PAFAH1B1: variants seen among roughly 807,000 people sequenced by gnomAD.
PAFAH1B1 encodes the protein platelet-activating factor acetylhydrolase IB subunit beta.
A neutral mutation model predicts 57.5 loss-of-function variants in PAFAH1B1; 2 were observed. That is an observed-to-expected ratio of 0.03 (90% confidence interval 0.01 to 0.11). The LOEUF (loss-of-function observed/expected upper bound fraction) is 0.11, where lower values mean the gene tolerates loss of function less well. PAFAH1B1 is among the 10% of genes least tolerant of loss of function. PAFAH1B1 has a pLI of 1.00. For synonymous variants in PAFAH1B1, 152 were observed against 169.6 expected (o/e 0.90, Z 0.81); for missense variants, 257 against 512.0 (o/e 0.50, Z 4.81).
intron 1 of PAFAH1B1, among the ~76,000 whole-genome samples, chr17:2,629,157 C>G (rs977207127): frequency 6.6e-6 from 1 of 151,860 alleles, no homozygotes; most frequent in Non-Finnish European, 1.5e-5. Context: ...TGGTTTGTTC[C>G]TCTTTCTCTA....
chr17:2,628,011 T>C (rs561102968), intron 1 of PAFAH1B1, among the ~76,000 whole-genome samples: 1 of 152,310 alleles, frequency 6.6e-6, no homozygotes, highest in Admixed American at 6.5e-5. Flanking sequence ...TAAACGATCA[T>C]ATCGTCAGCA....
intron 3 of PAFAH1B1, 137 bp from the exon 4 acceptor site, chr17:2,665,879 G>A (rs1042886478): frequency 1.1e-6 from 1 of 911,062 alleles, no homozygotes; most frequent in Non-Finnish European, 1.6e-6. Context: ...TGGGATTACA[G>A]GTGAGCCACC....
chr17:2,599,971 C>CTTTTTT (rs34442256), intron 1 of PAFAH1B1, among the ~76,000 whole-genome samples: 15 of 82,792 alleles, frequency 1.8e-4, no homozygotes, highest in South Asian at 4.9e-4. Context: ...CATTTTTAAC[C>CTTTTTT]TTTTTTTTTT....
rs962685785 is a variant in PAFAH1B1, at chr17:2,667,266, G to A, written c.399+68G>A. Reference sequence around the variant, plus strand: ...GGAGAATGGCATGAACCCGGGAGGCGGAGTTTGCAGTGAGCCGAGATTGCA... The same window carrying A: ...GGAGAATGGCATGAACCCGGGAGGCAGAGTTTGCAGTGAGCCGAGATTGCA... On this transcript the variant is annotated intron_variant, in intron 5 of 10. Transcript: ENST00000397195. The A allele has an allele frequency of 2.9e-5, 35 of 1,195,850 alleles. No individual in the cohort carries two copies. In the African/African-American group the frequency reaches 3.3e-4, roughly 11 times the overall value. The allele number at this position is 1,195,850 out of a possible 1,614,324, so 74.1% of individuals were successfully genotyped here.
chr17:2,671,344 G>A (rs763681071), intron 6 of PAFAH1B1, among the ~76,000 whole-genome samples: 11 of 151,144 alleles, frequency 7.3e-5, no homozygotes, highest in Non-Finnish European at 1.3e-4. Context: ...GAGTATCTAG[G>A]ATTATAGGCA....
chr17:2,621,765 G>A (rs1276596484), intron 1 of PAFAH1B1, among the ~76,000 whole-genome samples: 1 of 151,928 alleles, frequency 6.6e-6, no homozygotes, highest in Admixed American at 6.6e-5. Context: ...GAGACTACAG[G>A]CGTGCGCCAC....
In PAFAH1B1 at chr17:2,638,292, G is replaced by C; in HGVS notation, c.4G>C (p.Val2Leu). The stretch of plus-strand genomic sequence containing the variant: ...TAAGCTTGACATTACAGCCAAGATG[G>C]TGCTGTCCCAGAGACAACGAGATGA... MVLSQRQRDELN... is the reference protein window; with the variant it reads MLLSQRQRDELN... Residue 2 changes from valine (V) to leucine (L), a missense_variant, in exon 2 of 11, where the codon GTG (valine) becomes CTG (leucine). Coordinates refer to ENST00000397195, the MANE Select transcript of PAFAH1B1 (RefSeq NM_000430.4). The C allele has an allele frequency of 1.2e-6, 2 of 1,612,580 alleles. No individual in the cohort carries two copies. Among genetic ancestry groups the C allele is most frequent in the Non-Finnish European group, 8.5e-7 (1 of 1,179,476 alleles).
At chr17:2,662,069 T>C (rs2069022437) in intron 2 of PAFAH1B1, 1 of 150,200 alleles carries the variant, frequency 6.7e-6, no homozygotes, top group East Asian at 1.9e-4. Context: ...AAAAAAATCT[T>C]ATGGGTGGTA....
chr17:2,604,081 G>C (rs539476653), intron 1 of PAFAH1B1, among the ~76,000 whole-genome samples: 1 of 147,928 alleles, frequency 6.8e-6, no homozygotes, highest in East Asian at 2.1e-4. Context: ...AGGTCTTGTC[G>C]CCCAGGAGTG....
chr17:2,667,637 GA>G, intron 5 of PAFAH1B1: 1 of 209,134 alleles, frequency 4.8e-6, no homozygotes, highest in Non-Finnish European at 9.9e-6. Flanking sequence ...GGTTATGTGT[GA>G]AATACTGATT....
chr17:2,613,603 C>T, intron 1 of PAFAH1B1: 1 of 287,588 alleles, frequency 3.5e-6, no homozygotes, highest in Non-Finnish European at 7.0e-6. Context: ...TCAGCAGTGG[C>T]AGGGTCTCCC....
chr17:2,645,044 C>G (rs1191284492), intron 2 of PAFAH1B1, among the ~76,000 whole-genome samples: 1 of 151,996 alleles, frequency 6.6e-6, no homozygotes, highest in Non-Finnish European at 1.5e-5. Context: ...CACAGAGGTT[C>G]AAGACCAGCG....
intron 2 of PAFAH1B1, among the ~76,000 whole-genome samples, chr17:2,647,424 C>T (rs1284295947): frequency 1.3e-5 from 2 of 152,038 alleles, no homozygotes; most frequent in Admixed American, 1.3e-4. Context: ...ATCTCAGCTA[C>T]TATTTTGAAG....
chr17:2,597,494 T>A (rs1381510791), intron 1 of PAFAH1B1, among the ~76,000 whole-genome samples: 1 of 134,914 alleles, frequency 7.4e-6, no homozygotes, highest in Non-Finnish European at 1.5e-5. Context: ...CACTGCAACC[T>A]CTGCCTTCTG....
At chr17:2,649,179 T>C (rs982070948) in intron 2 of PAFAH1B1, among the ~76,000 whole-genome samples, 6 of 145,588 alleles carry the variant, frequency 4.1e-5, no homozygotes, top group African/African-American at 1.3e-4. Flanking sequence ...ATCATGCCAC[T>C]GCACTCCAGC....
chr17:2,632,549 A>G (rs2068568052), intron 1 of PAFAH1B1, among the ~76,000 whole-genome samples: 1 of 152,038 alleles, frequency 6.6e-6, no homozygotes, highest in Admixed American at 6.6e-5. Flanking sequence ...TTGTATCCCC[A>G]TGGTGTTCTT....
At chr17:2,676,240 T>G (rs2069265579) in intron 8 of PAFAH1B1, 1 of 396,270 alleles carries the variant, frequency 2.5e-6, no homozygotes, top group Admixed American at 3.7e-5. Flanking sequence ...TAGCCACATG[T>G]GGTGGTGCGT....
chr17:2,653,255 C>T (rs1325047768), intron 2 of PAFAH1B1, among the ~76,000 whole-genome samples: 1 of 152,056 alleles, frequency 6.6e-6, no homozygotes, highest in Non-Finnish European at 1.5e-5. Flanking sequence ...GAACATCACA[C>T]ACCAGGGCCT....
At chr17:2,653,353 G>C (rs547683814) in intron 2 of PAFAH1B1, among the ~76,000 whole-genome samples, 3 of 151,880 alleles carry the variant, frequency 2.0e-5, no homozygotes, top group Non-Finnish European at 4.4e-5. Context: ...ACACCAACAT[G>C]GCACATGTAT....
Sources: gnomAD v4.1 joint callset for allele counts (sites outside exome capture counted in the v4.1 genomes callset) on GRCh38, gnomAD v4.1.1 for gene constraint, MANE v1.5 for transcripts, NCBI Gene and HGNC (gene_info 2026-07-23, HGNC 2026-07-21) for gene names.